The following SPATA13 variants were observed in gnomAD, a reference collection of about 807,000 sequenced individuals.
The protein encoded by SPATA13 is spermatogenesis-associated protein 13.
A neutral mutation model predicts 104.0 loss-of-function variants in SPATA13; 50 were observed. The observed-to-expected ratio is 0.48, with a 90% CI of 0.38 to 0.61. The LOEUF (loss-of-function observed/expected upper bound fraction) is 0.61. Among genes scored for constraint, SPATA13 ranks in the 20% least tolerant of loss-of-function variants. SPATA13 has a pLI of 0.00. For missense variants in SPATA13, 1,524 were observed against 1,690.6 expected, an observed-to-expected ratio of 0.90 and a Z score of 1.73; for synonymous variants, 606 against 667.5, an observed-to-expected ratio of 0.91 and a Z score of 1.42.
chr13:24,089,032 G>T (rs1879827259), intron 3 of SPATA13, among the ~76,000 whole-genome samples: 1 of 152,222 alleles, frequency 6.6e-6, no homozygotes, highest in African/African-American at 2.4e-5. Context: ...CACGTTCACA[G>T]GTGGCTTTGA....
rs1048698814 is a variant in SPATA13 at position 24,224,101 on chromosome 13, C to T, written c.1172C>T (p.Pro391Leu). The T allele has an allele frequency of 3.2e-6, 5 of 1,551,386 alleles. No individual in the cohort carries two copies. The African/African-American group carries it at 5.5e-5, about 17-fold the overall frequency. ...ACCACTGCAACCTGCACCGTGGCCC[C>T]CGGTTTCGGCTCAGCCACCTCTAAG... is the stretch of plus-strand genomic sequence containing the variant. ...HGTTATCTVA[P>L]GFGSATSKGP... is the part of the protein sequence containing the mutation. Residue 391 changes from proline to leucine, a missense_variant, in exon 2 of 13, where the codon CCC becomes CTC. Transcript: ENST00000382108.
Position 24,038,090 on chromosome 13 carries a change from T to G in SPATA13, c.-112+20389T>G, listed in dbSNP as rs183453538. ...CCATGCCCAGCTAATTTTTTGTATT[T>G]TTTTAGTAGAGACGGGGTTTCACCG... On this transcript the variant is annotated intron_variant, in intron 3 of 14. Transcript: ENST00000424834. 2.4e-3 allele frequency among the ~76,000 whole-genome samples: 367 copies of G among 151,884 alleles called. 4 individuals carry two copies. The highest frequency in any genetic ancestry group is 8.6e-3 in the African/African-American group (356 of 41,422).
At chr13:24,191,500 T>G (rs1229642102) in intron 1 of SPATA13, among the ~76,000 whole-genome samples, 1 of 113,998 alleles carries the variant, frequency 8.8e-6, no homozygotes, top group Non-Finnish European at 1.7e-5. Context: ...TACATTGCTT[T>G]CTTTTTTTTT....
intron 9 of SPATA13, 70 bp from the exon 10 acceptor site, chr13:24,294,669 T>G (rs1295835616): frequency 1.9e-5 from 29 of 1,500,162 alleles, no homozygotes; most frequent in Non-Finnish European, 2.4e-5. Context: ...AGCGCCCCAG[T>G]GGATTATTTT....
At chr13:24,187,529 T>C (rs1323095704) in intron 1 of SPATA13, among the ~76,000 whole-genome samples, 2 of 152,228 alleles carry the variant, frequency 1.3e-5, no homozygotes, top group Non-Finnish European at 2.9e-5. Context: ...GTGGCAACCC[T>C]GTGTGGAGCA....
intron 9 of SPATA13, among the ~76,000 whole-genome samples, chr13:24,291,766 T>TG (rs1876389139): frequency 6.7e-6 from 1 of 149,170 alleles, no homozygotes. Flanking sequence ...ATTTTTTTTT[T>TG]TGAGACGGAG....
At chr13:24,264,835 CT>C (rs1181047634) in intron 4 of SPATA13, among the ~76,000 whole-genome samples, 2 of 152,156 alleles carry the variant, frequency 1.3e-5, no homozygotes, top group Non-Finnish European at 2.9e-5. Flanking sequence ...AAGCTGGCAC[CT>C]TTTAAAGGAC....
intron 3 of SPATA13, among the ~76,000 whole-genome samples, chr13:24,138,750 A>ATTTTTTTT (rs11354139): frequency 8.9e-6 from 1 of 112,630 alleles, no homozygotes; most frequent in African/African-American, 3.5e-5. Context: ...CCCCTGGCTA[A>ATTTTTTTT]TTTTTTTTTT....
Position 24,173,171 on chromosome 13 carries a change from G to A in SPATA13, c.-112+12239G>A, listed in dbSNP as rs535572512. 7.2e-5 allele frequency among the ~76,000 whole-genome samples: 11 copies of A among 152,238 alleles called. No homozygotes were observed. In the South Asian group the frequency reaches 1.9e-3, roughly 26 times the overall value. On this transcript the variant is annotated intron_variant, in intron 1 of 12. Coordinates refer to ENST00000382108, the MANE Select transcript of SPATA13 (RefSeq NM_001166271.3). ...TGGCTCACTGCACCCTCCGCCTCCC[G>A]GGTTCAAGCGATTCTCCTGCCTCAG...
chr13:24,300,320 T>A (rs1266258686), intron 11 of SPATA13, 81 bp from the exon 12 acceptor site: 21 of 1,067,626 alleles, frequency 2.0e-5, no homozygotes, highest in Non-Finnish European at 2.8e-6. Context: ...ACCTCAATGC[T>A]GATATGGGCT....
At chr13:24,110,303 C>T (rs375687070) in intron 3 of SPATA13, among the ~76,000 whole-genome samples, 1 of 151,948 alleles carries the variant, frequency 6.6e-6, no homozygotes, top group African/African-American at 2.4e-5. Flanking sequence ...GGGAGGATGG[C>T]TCTACCTCAG....
At chr13:24,275,665 G>A (rs964708173) in intron 4 of SPATA13, among the ~76,000 whole-genome samples, 1 of 152,216 alleles carries the variant, frequency 6.6e-6, no homozygotes, top group Non-Finnish European at 1.5e-5. Context: ...AAGGTGCAGT[G>A]GCTCACGCCT....
intron 2 of SPATA13, among the ~76,000 whole-genome samples, chr13:24,242,740 A>T (rs1301735526): frequency 6.6e-6 from 1 of 152,202 alleles, no homozygotes; most frequent in Non-Finnish European, 1.5e-5. Context: ...AAATGTCATT[A>T]AGGCTCAAAC....
At chr13:24,264,854 T>C (rs1340757079) in intron 4 of SPATA13, among the ~76,000 whole-genome samples, 1 of 152,234 alleles carries the variant, frequency 6.6e-6, no homozygotes, top group Non-Finnish European at 1.5e-5. Context: ...GACAATTTTA[T>C]ATTTATTTCT....
chr13:24,083,409 G>C lies in SPATA13; in HGVS notation c.-112+65708G>C, dbSNP rs76595688. Among the ~76,000 whole-genome samples the C allele has an allele frequency of 1.7e-3, 253 of 152,334 alleles. 1 individual carries two copies. The highest frequency in any genetic ancestry group is 5.8e-3 in the African/African-American group (241 of 41,566). On this transcript the variant is annotated intron_variant, in intron 3 of 14. Coordinates refer to the SPATA13 transcript ENST00000424834. ...TCTGCAAGTCACAAACAAGTCAGCA[G>C]AGTCAAGGAGGGCAGGCCTGACCTT...
intron 2 of SPATA13, among the ~76,000 whole-genome samples, chr13:23,991,179 G>A (rs1875395955): frequency 6.6e-6 from 1 of 152,188 alleles, no homozygotes; most frequent in Non-Finnish European, 1.5e-5. Flanking sequence ...AGGAAGGGAT[G>A]GATTCGGAAT....
chr13:24,278,465 G>T, intron 4 of SPATA13: 2 of 384,688 alleles, frequency 5.2e-6, no homozygotes, highest in Non-Finnish European at 4.5e-6. Context: ...AATTTATAGA[G>T]ATGGGTCTTA....
At chr13:24,045,060 G>T (rs6490858) in intron 3 of SPATA13, among the ~76,000 whole-genome samples, 70,291 of 151,926 alleles carry the variant, frequency 0.46, 17,012 homozygotes, top group African/African-American at 0.61. Context: ...CCAGGGCGGC[G>T]GAGTTTGTAA....
At chr13:23,997,386 C>T (rs1875748894) in intron 2 of SPATA13, among the ~76,000 whole-genome samples, 1 of 152,174 alleles carries the variant, frequency 6.6e-6, no homozygotes, top group African/African-American at 2.4e-5. Flanking sequence ...CCGATGCTTC[C>T]TATCACTATA....
Sources: allele counts gnomAD v4.1 joint callset (sites outside exome capture counted in the v4.1 genomes callset), GRCh38; gene constraint gnomAD v4.1.1; transcripts MANE v1.5; gene names NCBI Gene and HGNC (gene_info 2026-07-23, HGNC 2026-07-21).